The following PPP1R12B variants were observed in gnomAD, a reference collection of about 807,000 sequenced individuals.
The protein encoded by PPP1R12B is protein phosphatase 1 regulatory subunit 12B, also known as myosin phosphatase target subunit 2.
Under a neutral mutation model 126.1 loss-of-function variants are expected in PPP1R12B, and 76 were observed. The observed-to-expected ratio is 0.60, with a 90% CI of 0.50 to 0.73. PPP1R12B has a LOEUF of 0.73. Ranked by LOEUF, PPP1R12B falls within the 30% of genes least tolerant of loss-of-function variation. The probability of loss-of-function intolerance (pLI) is 0.00; values close to 1 mark genes in which losing one functional copy is unlikely to be tolerated. For missense variants in PPP1R12B, 1,052 were observed against 1,205.1 expected (o/e 0.87, Z 1.88); for synonymous variants, 356 against 434.7 (o/e 0.82, Z 2.25).
chr1:202,439,104 A>G, intron 10 of PPP1R12B: 12 of 1,533,284 alleles, frequency 7.8e-6, no homozygotes, highest in Non-Finnish European at 1.1e-5. Flanking sequence ...GCCAAAGTGG[A>G]CATGACGTTC....
chr1:202,462,646 G>A, intron 13 of PPP1R12B: 1 of 302,782 alleles, frequency 3.3e-6, no homozygotes, highest in Non-Finnish European at 4.9e-6. Context: ...TCAGAGCTGT[G>A]AATATTGGTG....
chr1:202,471,428 T>C (rs781497034), intron 13 of PPP1R12B, among the ~76,000 whole-genome samples: 4 of 152,188 alleles, frequency 2.6e-5, no homozygotes, highest in Middle Eastern at 3.4e-3. Flanking sequence ...TGCAAGAGTT[T>C]CTCAACAGTA....
At chr1:202,423,434 TGAACTTTTA>T (rs1669082687) in intron 3 of PPP1R12B, among the ~76,000 whole-genome samples, 1 of 152,182 alleles carries the variant, frequency 6.6e-6, no homozygotes, top group African/African-American at 2.4e-5. Context: ...TTTCCCAATA[TGAACTTTTA>T]GAACAGTCAG....
At chr1:202,572,498 T>C (rs771769287) in intron 23 of PPP1R12B, among the ~76,000 whole-genome samples, 12 of 152,192 alleles carry the variant, frequency 7.9e-5, no homozygotes, top group Non-Finnish European at 1.6e-4. Context: ...TTCTGGACTT[T>C]TATTGGAAAG....
chr1:202,485,805 G>T (rs1678037610), intron 13 of PPP1R12B, among the ~76,000 whole-genome samples: 1 of 152,068 alleles, frequency 6.6e-6, no homozygotes, highest in Non-Finnish European at 1.5e-5. Context: ...TTGTGGAGAG[G>T]ATGGGCTTTA....
intron 12 of PPP1R12B, among the ~76,000 whole-genome samples, chr1:202,444,201 A>G (rs1671964631): frequency 6.6e-6 from 1 of 152,188 alleles, no homozygotes; most frequent in African/African-American, 2.4e-5. Flanking sequence ...ATGAGAGTTC[A>G]TCTCTTGTGT....
intron 1 of PPP1R12B, among the ~76,000 whole-genome samples, chr1:202,401,016 T>G (rs887067299): frequency 6.6e-6 from 1 of 152,222 alleles, no homozygotes; most frequent in Non-Finnish European, 1.5e-5. Context: ...TTTTGTGATA[T>G]GTGCAACTTA....
At chr1:202,578,885 T>C (rs965777443) in intron 23 of PPP1R12B, among the ~76,000 whole-genome samples, 1 of 152,252 alleles carries the variant, frequency 6.6e-6, no homozygotes, top group African/African-American at 2.4e-5. Flanking sequence ...TTTCAGTTTC[T>C]AGGCGTCAAA....
intron 13 of PPP1R12B, among the ~76,000 whole-genome samples, chr1:202,475,942 G>A (rs1327211353): frequency 1.3e-5 from 2 of 152,144 alleles, no homozygotes; most frequent in Non-Finnish European, 2.9e-5. Context: ...GCTCATGCCT[G>A]TAATCCTAGC....
rs1358601311 is a variant in PPP1R12B, at chr1:202,520,209, T to C, written c.2490+23387T>C. ...TTGTTCTAGCCCAACTCTCTTATTT[T>C]ACAGATGGAAAACCTGGGGCCCAAA... On this transcript the variant is annotated intron_variant, in intron 18 of 23. Transcript: ENST00000608999. 4.6e-5 allele frequency among the ~76,000 whole-genome samples: 7 copies of C among 152,226 alleles called. No homozygotes were observed. In the East Asian group the frequency reaches 1.3e-3, roughly 29 times the overall value.
At chr1:202,407,267 A>G (rs538926765) in intron 1 of PPP1R12B, among the ~76,000 whole-genome samples, 2 of 152,328 alleles carry the variant, frequency 1.3e-5, no homozygotes, top group South Asian at 2.1e-4. Context: ...AATTGAACAC[A>G]TTTTTGAAAT....
intron 1 of PPP1R12B, among the ~76,000 whole-genome samples, chr1:202,378,895 C>G (rs190969482): frequency 6.6e-6 from 1 of 152,090 alleles, no homozygotes; most frequent in South Asian, 2.1e-4. Context: ...CCCCTCAGAT[C>G]CTCTTCTTAC....
At chr1:202,426,305 C>T (rs538461481) in intron 4 of PPP1R12B, among the ~76,000 whole-genome samples, 1 of 152,204 alleles carries the variant, frequency 6.6e-6, no homozygotes, top group South Asian at 2.1e-4. Context: ...TAACTGGACT[C>T]TTCCAGTATT....
intron 18 of PPP1R12B, among the ~76,000 whole-genome samples, chr1:202,505,305 A>G (rs973087517): frequency 3.3e-5 from 5 of 152,154 alleles, no homozygotes; most frequent in Non-Finnish European, 7.4e-5. Flanking sequence ...AACCCATCCC[A>G]TTTATGCTTC....
chr1:202,375,384 A>C (rs1380946950), intron 1 of PPP1R12B, among the ~76,000 whole-genome samples: 1 of 152,058 alleles, frequency 6.6e-6, no homozygotes, highest in East Asian at 1.9e-4. Context: ...CTTCAGCCAC[A>C]CTGATCATTT....
chr1:202,470,686 G>A (rs1046035926), intron 13 of PPP1R12B, among the ~76,000 whole-genome samples: 1 of 151,986 alleles, frequency 6.6e-6, no homozygotes, highest in Non-Finnish European at 1.5e-5. Flanking sequence ...TTGCACTCAG[G>A]AGTTCAAGAC....
rs1031828666 is a variant in PPP1R12B, at chr1:202,590,929, C to T, written c.*10369C>T. On this transcript the variant is annotated 3_prime_UTR_variant, in exon 24 of 24. Coordinates refer to ENST00000608999, the MANE Select transcript of PPP1R12B (RefSeq NM_002481.4). ...GGTCACTATCTTTGAAGAGGCCCCC[C>T]TAAAGTCCTGATCGCTAAGGCAGGT... The T allele has an allele frequency of 2.0e-5, 3 of 152,216 alleles. No homozygotes were observed. The highest frequency in any genetic ancestry group is 4.4e-5 in the Non-Finnish European group (3 of 68,094). The allele number at this position is 152,216 out of a possible 1,614,324, so 9.4% of individuals were successfully genotyped here.
intron 1 of PPP1R12B, among the ~76,000 whole-genome samples, chr1:202,358,013 G>A (rs1425299028): frequency 7.2e-5 from 11 of 152,106 alleles, no homozygotes; most frequent in Admixed American, 7.2e-4. Flanking sequence ...CAGTATTTGA[G>A]ACTATTTTAT....
chr1:202,550,901 C>T (rs377531184), intron 18 of PPP1R12B, among the ~76,000 whole-genome samples: 6 of 152,180 alleles, frequency 3.9e-5, no homozygotes, highest in African/African-American at 1.4e-4. Flanking sequence ...TTTCCTTCTA[C>T]AATGAGTGCA....
Sources: allele counts gnomAD v4.1 joint callset (sites outside exome capture counted in the v4.1 genomes callset), GRCh38; gene constraint gnomAD v4.1.1; transcripts MANE v1.5; gene names NCBI Gene and HGNC (gene_info 2026-07-23, HGNC 2026-07-21).